Variants in NDUFAF7 observed in about 807,000 individuals in gnomAD.
The protein encoded by NDUFAF7 is NADH:ubiquinone oxidoreductase complex assembly factor 7.
A neutral mutation model predicts 47.2 loss-of-function variants in NDUFAF7; 48 were observed. That is an observed-to-expected ratio of 1.02 (90% CI 0.81 to 1.29). The LOEUF is 1.29. NDUFAF7 is among the 50% of genes most tolerant of loss of function. The pLI is 0.00. For missense variants in NDUFAF7, 635 were observed against 537.6 expected (o/e 1.18, Z -1.79); for synonymous variants, 217 against 190.0 (o/e 1.14, Z -1.17).
At chr2:37,256,667 C>A, downstream of NDUFAF7, 6 of 907,596 alleles carry the variant, frequency 6.6e-6, no homozygotes, top group South Asian at 5.8e-5. Context: ...TTTACCTTCA[C>A]CAGAAATTTC....
At position 37,231,876 on chromosome 2, in the gene NDUFAF7, G is replaced by C. The variant is rs1665171512; in HGVS notation, c.55+116G>C. On this transcript the variant is annotated intron_variant, in intron 1 of 9. Transcript: ENST00000002125. ...GGGCTCGGGGGCTCACTTCCACCTT[G>C]AAGGTACCCTGGGCTGGAAACGGGT... 7 of 1,581,858 alleles carry C rather than the reference G, an allele frequency of 4.4e-6. No individual in the cohort carries two copies. In the South Asian group the frequency reaches 6.8e-5, roughly 15 times the overall value.
chr2:37,269,585 T>C, the NDUFAF7 span: 2 of 1,570,954 alleles, frequency 1.3e-6, no homozygotes, highest in East Asian at 4.5e-5. Flanking sequence ...AAATAATGTG[T>C]ACAATATGCA....
chr2:37,259,947 T>A, the NDUFAF7 span, among the ~76,000 whole-genome samples: 1 of 152,118 alleles, frequency 6.6e-6, no homozygotes, highest in Non-Finnish European at 1.5e-5. Context: ...GGTGGATCAC[T>A]TGAGGCAAGG....
At chr2:37,253,859 G>A (rs573244607), downstream of NDUFAF7, among the ~76,000 whole-genome samples, 59 of 152,254 alleles carry the variant, frequency 3.9e-4, 1 homozygote, top group South Asian at 0.012. Context: ...GGAGAATTAA[G>A]CCAAACATTT....
chr2:37,270,365 A>C, the NDUFAF7 span, among the ~76,000 whole-genome samples: 22 of 151,616 alleles, frequency 1.5e-4, no homozygotes, highest in African/African-American at 4.6e-4. Context: ...AAAAAAAAAA[A>C]AAACTCAAAA....
Position 37,247,280 on chromosome 2 carries a change from G to C in NDUFAF7, c.937-176G>C, listed in dbSNP as rs561031708. ...GTATCTCAGGTGATTCTGATGCATG[G>C]TTGATGCATATACTTTGTAAAACAC... On this transcript the variant is annotated intron_variant, in intron 8 of 9. Transcript: ENST00000002125. The C allele has an allele frequency of 1.2e-4, 84 of 697,362 alleles. No homozygotes were observed. The South Asian group carries it at 1.3e-3, about 11-fold the overall frequency. The allele number at this position is 697,362 out of a possible 1,614,324, so 43.2% of individuals were successfully genotyped here.
chr2:37,259,692 A>G, the NDUFAF7 span: 2 of 1,584,844 alleles, frequency 1.3e-6, no homozygotes, highest in East Asian at 4.5e-5. Flanking sequence ...CTGTTATGAA[A>G]AAAGATTTTC....
chr2:37,267,716 C>G, the NDUFAF7 span: 1 of 541,792 alleles, frequency 1.8e-6, no homozygotes. Context: ...CCCCTCCATA[C>G]ATAATATTTG....
At chr2:37,237,244 A>G (rs1665892800) in intron 3 of NDUFAF7, among the ~76,000 whole-genome samples, 1 of 152,262 alleles carries the variant, frequency 6.6e-6, no homozygotes, top group Admixed American at 6.5e-5. Context: ...TGCTGGGATT[A>G]TAGGCGTGAG....
At chr2:37,255,742 A>T (rs56267986), downstream of NDUFAF7, among the ~76,000 whole-genome samples, 7,816 of 152,318 alleles carry the variant, frequency 0.051, 216 homozygotes, top group Non-Finnish European at 0.072. Context: ...GCAGTGGCTC[A>T]TGCCTGTAAT....
At chr2:37,265,026 C>G in the NDUFAF7 span, among the ~76,000 whole-genome samples, 333 of 152,248 alleles carry the variant, frequency 2.2e-3, 1 homozygote, top group African/African-American at 7.3e-3. Context: ...CAATCTTCAC[C>G]CCATCTTTTC....
the NDUFAF7 span, chr2:37,260,452 G>A: frequency 6.2e-5 from 85 of 1,377,808 alleles, 1 homozygote; most frequent in Middle Eastern, 1.1e-3. Flanking sequence ...ATCTAGATGT[G>A]CTATGATTGT....
At chr2:37,260,821 G>C in the NDUFAF7 span, among the ~76,000 whole-genome samples, 1 of 152,082 alleles carries the variant, frequency 6.6e-6, no homozygotes, top group Non-Finnish European at 1.5e-5. Flanking sequence ...ATTTATCTAA[G>C]TCTTGATTCT....
At chr2:37,243,827 GC>G in intron 6 of NDUFAF7, 35 bp from the exon 7 acceptor site, 2 of 1,547,060 alleles carry the variant, frequency 1.3e-6, no homozygotes, top group Non-Finnish European at 1.8e-6. Flanking sequence ...GAACAAACTT[GC>G]AAAAATTTGT....
intron 8 of NDUFAF7, 71 bp from the exon 9 acceptor site, chr2:37,247,385 T>C: frequency 6.5e-7 from 1 of 1,542,638 alleles, no homozygotes; most frequent in Non-Finnish European, 8.9e-7. Context: ...ATTAAATAAC[T>C]TTAATATGAT....
chr2:37,241,607 A>G lies in NDUFAF7; in HGVS notation c.438A>G (p.Lys146=). Residue 146 remains lysine, a synonymous_variant, in exon 5 of 10, where the codon AAA becomes AAG. Coordinates refer to ENST00000002125, the MANE Select transcript of NDUFAF7 (RefSeq NM_144736.5). ...TCACTCAACTTGGATCTGTGCTGAA[A>G]AATTGTGACATTTCAGTACATCTGG... The part of the protein sequence containing the change: ...RVFTQLGSVL[K]NCDISVHLVE... 1 of 1,613,872 alleles carries G rather than the reference A, an allele frequency of 6.2e-7. No individual in the cohort carries two copies. The highest frequency in any genetic ancestry group is 8.5e-7 in the Non-Finnish European group (1 of 1,179,944).
intron 6 of NDUFAF7, 30 bp downstream of exon 6, chr2:37,242,723 T>TA: frequency 6.6e-7 from 1 of 1,507,406 alleles, no homozygotes; most frequent in Non-Finnish European, 9.2e-7. Context: ...GTCATGTCTA[T>TA]AATTGAATAC....
downstream of NDUFAF7, chr2:37,254,093 T>G: frequency 1.3e-6 from 1 of 774,766 alleles, no homozygotes; most frequent in Non-Finnish European, 2.2e-6. Context: ...ATTAATCACT[T>G]AAGAGCACTT....
chr2:37,257,724 T>C (rs1026783429), downstream of NDUFAF7, among the ~76,000 whole-genome samples: 2 of 151,826 alleles, frequency 1.3e-5, no homozygotes, highest in Non-Finnish European at 2.9e-5. Context: ...TCCCTTGTTT[T>C]GCTTAATCCT....
Sources: gnomAD v4.1 joint callset for allele counts (sites outside exome capture counted in the v4.1 genomes callset) on GRCh38, gnomAD v4.1.1 for gene constraint, MANE v1.5 for transcripts, NCBI Gene and HGNC (gene_info 2026-07-23, HGNC 2026-07-21) for gene names.